KIF18A: variants seen among roughly 807,000 people sequenced by gnomAD.
KIF18A encodes kinesin-like protein KIF18A.
KIF18A carries 67 observed loss-of-function variants against 103.3 expected under a neutral mutation model. The ratio of observed to expected loss-of-function variants is 0.65; its 90% CI spans 0.53 to 0.79. The LOEUF (loss-of-function observed/expected upper bound fraction) is 0.79. Ranked by LOEUF, KIF18A falls within the 30% of genes least tolerant of loss-of-function variation. KIF18A has a pLI of 0.00. For missense variants in KIF18A, 1,032 were observed against 1,062.5 expected, an observed-to-expected ratio of 0.97 and a Z score of 0.40; for synonymous variants, 367 against 355.5, an observed-to-expected ratio of 1.03 and a Z score of -0.36.
chr11:28,094,372 C>G (rs1851340351), intron 3 of KIF18A, among the ~76,000 whole-genome samples: 1 of 151,634 alleles, frequency 6.6e-6, no homozygotes, highest in Non-Finnish European at 1.5e-5. Flanking sequence ...ACATAGAAAG[C>G]AAATGCAGTA....
At chr11:28,061,696 A>G (rs1850858013) in intron 12 of KIF18A, among the ~76,000 whole-genome samples, 1 of 152,164 alleles carries the variant, frequency 6.6e-6, no homozygotes, top group African/African-American at 2.4e-5. Context: ...CCTCTAAATC[A>G]AGATAATTAT....
chr11:28,091,530 C>A lies in KIF18A; in HGVS notation c.484-17G>T. 1 of 1,387,686 alleles carries A rather than the reference C, an allele frequency of 7.2e-7. No individual in the cohort carries two copies. Among genetic ancestry groups the A allele is most frequent in the Non-Finnish European group, 1.0e-6 (1 of 985,896 alleles). The allele number at this position is 1,387,686 out of a possible 1,614,324, so 86.0% of individuals were successfully genotyped here. A position where few individuals can be genotyped will look rare whatever the true frequency, so the allele number is the denominator to read the frequency against. On this transcript the variant is annotated splice_polypyrimidine_tract_variant and intron_variant, in intron 3 of 16. Coordinates refer to ENST00000263181, the MANE Select transcript of KIF18A (RefSeq NM_031217.4). ...ATTATATACCTTAAAATAAAAAGAA[C>A]TGCTTTAGCATTGATGTAAAAAAAA...
At chr11:28,103,623 C>T (rs1851471016) in intron 1 of KIF18A, among the ~76,000 whole-genome samples, 1 of 151,984 alleles carries the variant, frequency 6.6e-6, no homozygotes, top group African/African-American at 2.4e-5. Flanking sequence ...TCCCTATTCT[C>T]TCATAGAGAG....
chr11:28,098,618 A>ATAGAC (rs1476239491), intron 1 of KIF18A, among the ~76,000 whole-genome samples: 1 of 152,120 alleles, frequency 6.6e-6, no homozygotes, highest in Admixed American at 6.6e-5. Context: ...TAGAGATGGC[A>ATAGAC]TAGACTCCTT....
intron 7 of KIF18A, among the ~76,000 whole-genome samples, chr11:28,084,050 C>T (rs1271776750): frequency 6.6e-6 from 1 of 152,024 alleles, no homozygotes; most frequent in Non-Finnish European, 1.5e-5. Context: ...TTAAGTACAA[C>T]ACATCTTTGG....
intron 2 of KIF18A, 130 bp downstream of exon 2, chr11:28,097,493 G>A (rs768554256): frequency 3.0e-5 from 21 of 702,100 alleles, no homozygotes; most frequent in Non-Finnish European, 5.3e-5. Flanking sequence ...CAAGTCTATT[G>A]AATTTCTTAA....
chr11:28,037,488 T>C (rs563147984), intron 13 of KIF18A, among the ~76,000 whole-genome samples: 1 of 151,684 alleles, frequency 6.6e-6, no homozygotes, highest in African/African-American at 2.4e-5. Flanking sequence ...GAAGGATACA[T>C]GTAGGCTATA....
chr11:28,068,874 A>T (rs1850972212), intron 11 of KIF18A, among the ~76,000 whole-genome samples: 1 of 152,146 alleles, frequency 6.6e-6, no homozygotes, highest in Non-Finnish European at 1.5e-5. Context: ...ACTACACTTC[A>T]AAAATAAAAC....
At position 28,063,941 on chromosome 11, in the gene KIF18A, C is replaced by T. The variant is rs777263712; in HGVS notation, c.1591-1425G>A. On this transcript the variant is annotated intron_variant, in intron 11 of 16. Transcript: ENST00000263181. ...AACTCCTTTCCAATCTGCAGTTGAC[C>T]AATAATTTTCTAAAATGTCAAAGTT... Among the ~76,000 whole-genome samples the T allele has an allele frequency of 2.6e-5, 4 of 151,310 alleles. No individual in the cohort carries two copies. The South Asian group carries it at 8.3e-4, about 32-fold the overall frequency.
intron 10 of KIF18A, among the ~76,000 whole-genome samples, chr11:28,074,985 G>A (rs893501249): frequency 6.6e-6 from 1 of 152,068 alleles, no homozygotes; most frequent in Admixed American, 6.6e-5. Flanking sequence ...GTGCTCCGTA[G>A]TTTCACACGT....
At chr11:28,081,635 T>C (rs867256153) in intron 9 of KIF18A, among the ~76,000 whole-genome samples, 1 of 152,172 alleles carries the variant, frequency 6.6e-6, no homozygotes, top group Non-Finnish European at 1.5e-5. Flanking sequence ...CTCATGGAGA[T>C]GGACGAGAAG....
At chr11:28,085,800 G>A (rs1178527278) in intron 6 of KIF18A, among the ~76,000 whole-genome samples, 2 of 151,838 alleles carry the variant, frequency 1.3e-5, no homozygotes, top group South Asian at 2.1e-4. Flanking sequence ...ACAATCTCTC[G>A]TCTCCGCACA....
intron 10 of KIF18A, among the ~76,000 whole-genome samples, chr11:28,075,946 T>A (rs756265388): frequency 6.6e-6 from 1 of 152,148 alleles, no homozygotes; most frequent in African/African-American, 2.4e-5. Flanking sequence ...AATGACTTTT[T>A]TTTCTTACCC....
chr11:28,062,595 T>C (rs1850869998), intron 11 of KIF18A, 79 bp from the exon 12 acceptor site: 2 of 1,075,054 alleles, frequency 1.9e-6, no homozygotes, highest in East Asian at 3.0e-5. Context: ...TTTTATATTG[T>C]TGCCAATAGT....
intron 13 of KIF18A, among the ~76,000 whole-genome samples, chr11:28,058,620 C>A (rs1302299762): frequency 1.6e-5 from 2 of 127,844 alleles, no homozygotes; most frequent in Non-Finnish European, 3.1e-5. Context: ...TTTGATTGCA[C>A]CACTGGACTC....
chr11:28,095,240 C>T (rs1272406593), intron 2 of KIF18A, among the ~76,000 whole-genome samples: 1 of 152,208 alleles, frequency 6.6e-6, no homozygotes, highest in Non-Finnish European at 1.5e-5. Context: ...TTTTGCCAGC[C>T]TACTGCTTCC....
chr11:28,097,950 T>A lies in KIF18A; in HGVS notation c.-3A>T. The A allele has an allele frequency of 1.3e-6, 2 of 1,538,942 alleles. No homozygotes were observed. Among genetic ancestry groups the A allele is most frequent in the Non-Finnish European group, 1.8e-6 (2 of 1,142,278 alleles). On this transcript the variant is annotated 5_prime_UTR_variant, in exon 2 of 17. Coordinates refer to ENST00000263181, the MANE Select transcript of KIF18A (RefSeq NM_031217.4). ...AGGTCTTCCTCAGTGACAGACATTGTTGATTATCTTGATTCCTATCTGTAT... is the reference window on the plus strand; with the variant it reads ...AGGTCTTCCTCAGTGACAGACATTGATGATTATCTTGATTCCTATCTGTAT...
Position 28,077,113 on chromosome 11 carries a change from T to C in KIF18A, c.1319A>G (p.Tyr440Cys). 1 of 1,576,918 alleles carries C rather than the reference T, an allele frequency of 6.3e-7. No individual in the cohort carries two copies. The highest frequency in any genetic ancestry group is 8.6e-7 in the Non-Finnish European group (1 of 1,168,398). Residue 440 changes from tyrosine to cysteine, a missense_variant, in exon 10 of 17, where the codon TAT becomes TGT. Transcript: ENST00000263181. The part of the protein sequence containing the change: ...FQNREEIRQE[Y>C]LKLEMLLKEN... ...TTTAAGTAACATTTCCAACTTCAGA[T>C]ATTCTTGTCTAATTTCTTCTCGATT...
At chr11:28,073,717 T>C (rs1204872086) in intron 10 of KIF18A, among the ~76,000 whole-genome samples, 1 of 152,224 alleles carries the variant, frequency 6.6e-6, no homozygotes, top group African/African-American at 2.4e-5. Context: ...TTACTATTTA[T>C]ATGACAAGCA....
Sources: allele counts gnomAD v4.1 joint callset (sites outside exome capture counted in the v4.1 genomes callset), GRCh38; gene constraint gnomAD v4.1.1; transcripts MANE v1.5; gene names NCBI Gene and HGNC (gene_info 2026-07-23, HGNC 2026-07-21).